HOMER1: variants seen among roughly 807,000 people sequenced by gnomAD.
HOMER1 encodes homer protein homolog 1.
HOMER1 carries 3 observed loss-of-function variants against 48.9 expected under a neutral mutation model. That is an observed-to-expected ratio of 0.06 (90% CI 0.03 to 0.16). The LOEUF (loss-of-function observed/expected upper bound fraction) is 0.16, where lower values mean the gene tolerates loss of function less well. HOMER1 is among the 10% of genes least tolerant of loss of function. The pLI is 1.00. For missense variants in HOMER1, 247 were observed against 411.4 expected, an observed-to-expected ratio of 0.60 and a Z score of 3.46; for synonymous variants, 134 against 146.4, an observed-to-expected ratio of 0.92 and a Z score of 0.61.
chr5:79,451,722 C>A (rs183153740), intron 2 of HOMER1, among the ~76,000 whole-genome samples: 1 of 151,736 alleles, frequency 6.6e-6, no homozygotes, highest in African/African-American at 2.4e-5. Flanking sequence ...CCCACTACCA[C>A]GCCCTACTAA....
intron 2 of HOMER1, among the ~76,000 whole-genome samples, chr5:79,454,791 C>T (rs960300230): frequency 6.6e-6 from 1 of 152,102 alleles, no homozygotes; most frequent in African/African-American, 2.4e-5. Flanking sequence ...CCCCATAAAA[C>T]ACTAGGCAAT....
intron 8 of HOMER1, among the ~76,000 whole-genome samples, chr5:79,387,579 C>A (rs1249257756): frequency 1.3e-5 from 2 of 152,066 alleles, no homozygotes; most frequent in African/African-American, 4.8e-5. Context: ...ATAATCAAGA[C>A]AAGTAGAATA....
At chr5:79,441,467 G>T (rs979838415) in intron 4 of HOMER1, among the ~76,000 whole-genome samples, 12 of 152,128 alleles carry the variant, frequency 7.9e-5, no homozygotes, top group African/African-American at 2.9e-4. Context: ...GGCAAGTTAA[G>T]AAGGGGAGAA....
intron 4 of HOMER1, among the ~76,000 whole-genome samples, chr5:79,446,654 CTTT>C (rs973125965): frequency 6.6e-6 from 1 of 151,234 alleles, no homozygotes; most frequent in African/African-American, 2.4e-5. Flanking sequence ...CTCTCTTTTT[CTTT>C]TTGAGACAGG....
At chr5:79,411,634 C>T (rs1561353599) in intron 5 of HOMER1, among the ~76,000 whole-genome samples, 1 of 152,156 alleles carries the variant, frequency 6.6e-6, no homozygotes, top group Non-Finnish European at 1.5e-5. Flanking sequence ...ACTTATCTAA[C>T]CTGCAGAGTG....
intron 1 of HOMER1, among the ~76,000 whole-genome samples, chr5:79,485,020 C>T (rs1387162439): frequency 6.6e-6 from 1 of 152,112 alleles, no homozygotes; most frequent in African/African-American, 2.4e-5. Flanking sequence ...TTTCCCTGCC[C>T]AGTCTGCTGG....
intron 8 of HOMER1, among the ~76,000 whole-genome samples, chr5:79,393,001 A>G (rs1397402449): frequency 6.6e-6 from 1 of 150,536 alleles, no homozygotes; most frequent in Non-Finnish European, 1.5e-5. Context: ...AGAGCCATCC[A>G]GAATAAAACA....
At chr5:79,486,987 A>C (rs1752122762) in intron 1 of HOMER1, among the ~76,000 whole-genome samples, 1 of 152,232 alleles carries the variant, frequency 6.6e-6, no homozygotes, top group Non-Finnish European at 1.5e-5. Context: ...GTTCATTGAA[A>C]GAATACATTT....
At chr5:79,480,258 A>G (rs1053871617) in intron 1 of HOMER1, among the ~76,000 whole-genome samples, 2 of 152,228 alleles carry the variant, frequency 1.3e-5, no homozygotes, top group Non-Finnish European at 2.9e-5. Context: ...AAAGGTGGAG[A>G]AAAACATTTT....
intron 4 of HOMER1, 89 bp from the exon 5 acceptor site, chr5:79,439,238 A>G (rs1750679244): frequency 8.8e-7 from 1 of 1,142,572 alleles, no homozygotes; most frequent in Admixed American, 2.5e-5. Flanking sequence ...CCTTTGATGT[A>G]TGCTTACTGA....
chr5:79,512,883 C>T lies in HOMER1; in HGVS notation c.-109G>A. On this transcript the variant is annotated 5_prime_UTR_variant, in exon 1 of 9. Coordinates refer to ENST00000334082, the MANE Select transcript of HOMER1 (RefSeq NM_004272.5). Reference sequence around the variant, plus strand: ...GCAGTTGCTTTTCCACCCCCACCCCCAGATCCTTGTCCGGAGGTATTTCAA... The same window carrying T: ...GCAGTTGCTTTTCCACCCCCACCCCTAGATCCTTGTCCGGAGGTATTTCAA... 1 of 972,426 alleles carries T rather than the reference C, an allele frequency of 1.0e-6. No individual in the cohort carries two copies. 60.2% of individuals were successfully genotyped at this position (972,426 alleles called of 1,614,324 possible).
At chr5:79,482,062 T>C (rs1414795669) in intron 1 of HOMER1, among the ~76,000 whole-genome samples, 1 of 151,638 alleles carries the variant, frequency 6.6e-6, no homozygotes, top group Non-Finnish European at 1.5e-5. Flanking sequence ...CTCCTAAAAA[T>C]ACAAAAAATT....
chr5:79,444,257 G>A (rs1032801318), intron 4 of HOMER1, among the ~76,000 whole-genome samples: 1 of 152,106 alleles, frequency 6.6e-6, no homozygotes, highest in Non-Finnish European at 1.5e-5. Context: ...AGGCTGCAGT[G>A]CAGTGACGTG....
In HOMER1 at chr5:79,410,275, T is replaced by C. The variant is rs11955729; in HGVS notation, c.528-8220A>G. Reference sequence around the variant, plus strand: ...GGGAGGCCGAGGCGGGCGAACCACCTGAGGCCAGGAGTTTGAGACCAGCCT... The same window carrying C: ...GGGAGGCCGAGGCGGGCGAACCACCCGAGGCCAGGAGTTTGAGACCAGCCT... On this transcript the variant is annotated intron_variant, in intron 5 of 8. Transcript: ENST00000334082. Among the ~76,000 whole-genome samples, 788 of 152,028 alleles carry C rather than the reference T, an allele frequency of 5.2e-3. 3 individuals carry two copies. Among genetic ancestry groups the C allele is most frequent in the African/African-American group, 0.018 (736 of 41,506 alleles).
intron 5 of HOMER1, among the ~76,000 whole-genome samples, chr5:79,430,065 G>GA (rs147461312): frequency 0.057 from 8,448 of 147,510 alleles, 771 homozygotes; most frequent in African/African-American, 0.2. Context: ...AAAGCACCAA[G>GA]AAAAAAAAAT....
chr5:79,493,984 G>A (rs1300438634), intron 1 of HOMER1, among the ~76,000 whole-genome samples: 1 of 152,090 alleles, frequency 6.6e-6, no homozygotes, highest in African/African-American at 2.4e-5. Context: ...ATTGTTAAAG[G>A]ACCATTACTT....
At chr5:79,401,317 C>T (rs565062042) in intron 6 of HOMER1, among the ~76,000 whole-genome samples, 28 of 152,230 alleles carry the variant, frequency 1.8e-4, no homozygotes, top group African/African-American at 6.5e-4. Context: ...AATTAATCTT[C>T]ACAGGAATTG....
rs1752913299 is a variant in HOMER1, at chr5:79,510,586, G to C, written c.5+2184C>G. ...TGCAGTTTGCCAAGAAACACAACAA[G>C]AAGGGCCTAAAGAAGATGCAGGCTA... On this transcript the variant is annotated intron_variant, in intron 1 of 8. Transcript: ENST00000334082. 8 of 813,150 alleles carry C rather than the reference G, an allele frequency of 9.8e-6. No homozygotes were observed. In the East Asian group the frequency reaches 2.0e-4, roughly 20 times the overall value. 50.4% of individuals were successfully genotyped at this position (813,150 alleles called of 1,614,324 possible).
At chr5:79,495,266 AC>A (rs1367027910) in intron 1 of HOMER1, among the ~76,000 whole-genome samples, 6 of 152,060 alleles carry the variant, frequency 3.9e-5, no homozygotes, top group Admixed American at 6.6e-5. Flanking sequence ...AACTACCTTA[AC>A]TTTCTAATTA....
Sources: gnomAD v4.1 joint callset for allele counts (sites outside exome capture counted in the v4.1 genomes callset) on GRCh38, gnomAD v4.1.1 for gene constraint, MANE v1.5 for transcripts, NCBI Gene and HGNC (gene_info 2026-07-23, HGNC 2026-07-21) for gene names.